Variants in EDIL3 observed in about 807,000 individuals in gnomAD.
The protein encoded by EDIL3 is EGF-like repeat and discoidin I-like domain-containing protein 3.
In EDIL3, 37 loss-of-function variants were observed where a neutral mutation model predicts 67.4. The ratio of observed to expected loss-of-function variants is 0.55; its 90% CI spans 0.42 to 0.72. The LOEUF (loss-of-function observed/expected upper bound fraction) is 0.72, where lower values mean the gene tolerates loss of function less well. Among genes scored for constraint, EDIL3 ranks in the 30% least tolerant of loss-of-function variants. The pLI, the probability that EDIL3 is intolerant of heterozygous loss-of-function variation, is 0.00. For missense variants in EDIL3, 527 were observed against 586.3 expected (o/e 0.90, Z 1.04); for synonymous variants, 195 against 196.3 (o/e 0.99, Z 0.05).
intron 1 of EDIL3, among the ~76,000 whole-genome samples, chr5:84,307,021 T>C (rs2112137233): frequency 6.6e-6 from 1 of 152,344 alleles, no homozygotes. Context: ...CAAGTGTCCA[T>C]TTCTTGTGTA....
intron 4 of EDIL3, among the ~76,000 whole-genome samples, chr5:84,175,219 G>A (rs1352356942): frequency 6.6e-6 from 1 of 151,874 alleles, no homozygotes; most frequent in Non-Finnish European, 1.5e-5. Context: ...ACAACAAAAA[G>A]CTAAAAGAAG....
chr5:84,152,185 T>G (rs998406194), intron 4 of EDIL3, among the ~76,000 whole-genome samples: 4 of 152,202 alleles, frequency 2.6e-5, no homozygotes, highest in Admixed American at 1.3e-4. Flanking sequence ...CTTAAAGTGC[T>G]GGGATTACAG....
At position 84,205,986 on chromosome 5, in the gene EDIL3, C is replaced by T. The variant is rs1368338523; in HGVS notation, c.226+23869G>A. ...AATGTGTTTGCTCTTGCTTTTCTAG[C>T]TCTTGTAATTGTGATGTTAGGGTGT... On this transcript the variant is annotated intron_variant, in intron 3 of 10. Coordinates refer to ENST00000296591, the MANE Select transcript of EDIL3 (RefSeq NM_005711.5). Among the ~76,000 whole-genome samples the T allele has an allele frequency of 3.4e-3, 511 of 151,934 alleles. 5 individuals carry two copies. The highest frequency in any genetic ancestry group is 0.012 in the African/African-American group (488 of 41,380).
At chr5:84,360,372 C>A (rs979815868) in intron 1 of EDIL3, among the ~76,000 whole-genome samples, 1 of 152,134 alleles carries the variant, frequency 6.6e-6, no homozygotes, top group Non-Finnish European at 1.5e-5. Flanking sequence ...TTTTGTACAG[C>A]CTTCCCTGAG....
intron 9 of EDIL3, among the ~76,000 whole-genome samples, chr5:84,031,549 T>C (rs143518001): frequency 2.0e-5 from 3 of 152,284 alleles, no homozygotes; most frequent in Non-Finnish European, 4.4e-5. Flanking sequence ...TGTGGAGTCT[T>C]CATGAATGGA....
At chr5:83,978,909 T>C (rs1744918795) in intron 9 of EDIL3, among the ~76,000 whole-genome samples, 1 of 152,066 alleles carries the variant, frequency 6.6e-6, no homozygotes, top group South Asian at 2.1e-4. Context: ...TGACATGAAG[T>C]AGAAAGTAAT....
chr5:84,210,764 C>T (rs914909413), intron 3 of EDIL3, among the ~76,000 whole-genome samples: 6 of 152,094 alleles, frequency 3.9e-5, no homozygotes, highest in African/African-American at 1.4e-4. Flanking sequence ...GGTATCTATC[C>T]TTTTTCATCG....
chr5:84,082,810 T>G (rs934113728), intron 6 of EDIL3, among the ~76,000 whole-genome samples: 1 of 89,826 alleles, frequency 1.1e-5, no homozygotes, highest in Non-Finnish European at 2.4e-5. Flanking sequence ...GTTTCTCTTA[T>G]TGAGTTGTTA....
chr5:84,139,552 A>G (rs1231311219), intron 4 of EDIL3, among the ~76,000 whole-genome samples: 1 of 152,192 alleles, frequency 6.6e-6, no homozygotes, highest in East Asian at 1.9e-4. Context: ...ATGCATGACA[A>G]TAACAATGTT....
intron 9 of EDIL3, among the ~76,000 whole-genome samples, chr5:84,056,778 T>G (rs907097061): frequency 6.6e-6 from 1 of 152,124 alleles, no homozygotes; most frequent in African/African-American, 2.4e-5. Flanking sequence ...GAGCTACTGC[T>G]CAGAACTGAT....
intron 2 of EDIL3, among the ~76,000 whole-genome samples, chr5:84,235,448 A>C (rs991614704): frequency 6.6e-6 from 1 of 152,150 alleles, no homozygotes; most frequent in African/African-American, 2.4e-5. Context: ...CATCCATTGA[A>C]GTATTGATAA....
intron 9 of EDIL3, among the ~76,000 whole-genome samples, chr5:83,995,944 A>G (rs1235662274): frequency 1.3e-5 from 2 of 152,238 alleles, no homozygotes; most frequent in Non-Finnish European, 2.9e-5. Flanking sequence ...TTGATCAATT[A>G]GGAAGCATAA....
intron 6 of EDIL3, among the ~76,000 whole-genome samples, chr5:84,076,451 T>C (rs1009058171): frequency 6.6e-6 from 1 of 152,176 alleles, no homozygotes; most frequent in Non-Finnish European, 1.5e-5. Flanking sequence ...TTAAAATCCA[T>C]TGGTCTATTT....
intron 3 of EDIL3, among the ~76,000 whole-genome samples, chr5:84,188,629 A>G (rs548922684): frequency 6.6e-6 from 1 of 151,864 alleles, no homozygotes; most frequent in East Asian, 1.9e-4. Flanking sequence ...ATTCGGAGAT[A>G]GGACTTTTTA....
intron 1 of EDIL3, among the ~76,000 whole-genome samples, chr5:84,297,176 C>CG (rs1345654087): frequency 4.5e-5 from 3 of 66,236 alleles, no homozygotes; most frequent in Non-Finnish European, 1.1e-4. Flanking sequence ...AGCAAGACTC[C>CG]GAAAAAAAAA....
At position 84,060,218 on chromosome 5, in the gene EDIL3, G is replaced by T. The variant is rs73769713; in HGVS notation, c.1137+82C>A. ...ACATTTAAATTAGCGTGAAGGTAAC[G>T]ACTCTGACACTCACCTAATCAACAG... On this transcript the variant is annotated intron_variant, in intron 9 of 10. Transcript: ENST00000296591. 223 of 1,495,900 alleles carry T rather than the reference G, an allele frequency of 1.5e-4. 1 individual carries two copies. In the African/African-American group the frequency reaches 2.9e-3, roughly 19 times the overall value. 92.7% of individuals were successfully genotyped at this position (1,495,900 alleles called of 1,614,324 possible). A position where few individuals can be genotyped will look rare whatever the true frequency, so the allele number is the denominator to read the frequency against.
Position 84,316,577 on chromosome 5 carries a change from G to A in EDIL3, c.68-62365C>T, listed in dbSNP as rs558735744. Among the ~76,000 whole-genome samples the A allele has an allele frequency of 2.1e-3, 320 of 152,196 alleles. 1 individual carries two copies. The highest frequency in any genetic ancestry group is 3.4e-3 in the Admixed American group (52 of 15,286). On this transcript the variant is annotated intron_variant, in intron 1 of 10. Coordinates refer to ENST00000296591, the MANE Select transcript of EDIL3 (RefSeq NM_005711.5). ...AGAGCTAACTATCCTAAATATATAT[G>A]CACCCCATACAGGAGCACCCAGATT... is the stretch of plus-strand genomic sequence containing the variant.
chr5:84,096,918 G>A (rs1230921772), intron 6 of EDIL3, among the ~76,000 whole-genome samples: 5 of 152,068 alleles, frequency 3.3e-5, no homozygotes, highest in South Asian at 2.1e-4. Context: ...TTTTAAAAAC[G>A]GGAGTTTCCC....
intron 4 of EDIL3, among the ~76,000 whole-genome samples, chr5:84,151,219 T>C (rs1015602568): frequency 6.6e-6 from 1 of 151,780 alleles, no homozygotes; most frequent in Non-Finnish European, 1.5e-5. Flanking sequence ...ATAATCCACA[T>C]ATTTTTTGTC....
Sources: gnomAD v4.1 joint callset for allele counts (sites outside exome capture counted in the v4.1 genomes callset) on GRCh38, gnomAD v4.1.1 for gene constraint, MANE v1.5 for transcripts, NCBI Gene and HGNC (gene_info 2026-07-23, HGNC 2026-07-21) for gene names.